The following KCNT2 variants were observed in gnomAD, a reference collection of about 807,000 sequenced individuals.
The protein encoded by KCNT2 is potassium channel subfamily T member 2.
A neutral mutation model predicts 153.8 loss-of-function variants in KCNT2; 67 were observed. The observed-to-expected ratio is 0.44, with a 90% CI of 0.36 to 0.53. KCNT2 has a LOEUF of 0.53. Ranked by LOEUF, KCNT2 falls within the 20% of genes least tolerant of loss-of-function variation. The probability of loss-of-function intolerance (pLI) is 0.00; values close to 1 mark genes in which losing one functional copy is unlikely to be tolerated. For synonymous variants in KCNT2, 500 were observed against 458.8 expected (o/e 1.09, Z -1.15); for missense variants, 975 against 1,354.8 (o/e 0.72, Z 4.40).
chr1:196,504,989 T>G (rs879512775), intron 1 of KCNT2, among the ~76,000 whole-genome samples: 11 of 152,208 alleles, frequency 7.2e-5, no homozygotes, highest in African/African-American at 2.7e-4. Context: ...TATTAGCCTT[T>G]TGTCAGATAA....
chr1:196,454,200 C>T (rs1397097682), intron 8 of KCNT2, among the ~76,000 whole-genome samples: 3 of 151,842 alleles, frequency 2.0e-5, no homozygotes, highest in Admixed American at 6.6e-5. Flanking sequence ...GTTGCAAATG[C>T]ATTAATTTTA....
chr1:196,347,155 A>G (rs1180078822), intron 14 of KCNT2, among the ~76,000 whole-genome samples: 2 of 152,046 alleles, frequency 1.3e-5, no homozygotes, highest in Non-Finnish European at 2.9e-5. Context: ...TTTTATTTCC[A>G]TTCTTGAGGC....
intron 13 of KCNT2, among the ~76,000 whole-genome samples, chr1:196,380,111 A>T (rs1341970078): frequency 6.6e-6 from 1 of 152,226 alleles, no homozygotes; most frequent in African/African-American, 2.4e-5. Flanking sequence ...TTCTGCAAGA[A>T]TGCTCATGTG....
chr1:196,547,261 T>G (rs1356948233), intron 1 of KCNT2, among the ~76,000 whole-genome samples: 3 of 152,028 alleles, frequency 2.0e-5, no homozygotes, highest in Non-Finnish European at 4.4e-5. Context: ...AGTGAGACAA[T>G]TATACCCCTA....
chr1:196,340,570 C>A lies in KCNT2; in HGVS notation c.1554G>T (p.Lys518Asn). The change falls in exon 16 of 28, where the codon AAG (lysine) becomes AAT (asparagine). Residue 518 changes from lysine (K) to asparagine (N), a missense_variant and splice_region_variant. Around this residue, in one of 6 missense-constraint regions of KCNT2, gnomAD observed 325 missense variants for 388.1 expected, o/e 0.84. Transcript: ENST00000294725. ...FTYASFHAHK[K>N]FGVCLIGVRR... is the part of the protein sequence containing the mutation. ...TAACACCAATCAAGCAGACGCCAAA[C>A]CTTAATTTAAAAAAAAAGAGAGTTT... The A allele has an allele frequency of 2.7e-6, 4 of 1,508,126 alleles. No homozygotes were observed. The highest frequency in any genetic ancestry group is 1.3e-5 in the South Asian group (1 of 75,302). 93.4% of individuals were successfully genotyped at this position (1,508,126 alleles called of 1,614,324 possible).
At chr1:196,274,253 T>C (rs1658347443) in intron 25 of KCNT2, among the ~76,000 whole-genome samples, 1 of 151,704 alleles carries the variant, frequency 6.6e-6, no homozygotes, top group African/African-American at 2.4e-5. Context: ...CAATAGTCTA[T>C]TCATTTTTGA....
chr1:196,258,089 CTG>C, intron 26 of KCNT2, 103 bp downstream of exon 26: 1 of 1,467,642 alleles, frequency 6.8e-7, no homozygotes, highest in Admixed American at 2.4e-5. Flanking sequence ...ACTAATTGAC[CTG>C]TGAAGCAAAA....
intron 12 of KCNT2, among the ~76,000 whole-genome samples, chr1:196,399,191 T>G (rs1310240372): frequency 6.6e-6 from 1 of 151,356 alleles, no homozygotes; most frequent in East Asian, 2.0e-4. Flanking sequence ...AAAAAAGTTT[T>G]TAAAAAGACA....
intron 1 of KCNT2, among the ~76,000 whole-genome samples, chr1:196,594,184 C>A (rs1663767968): frequency 6.6e-6 from 1 of 152,060 alleles, no homozygotes; most frequent in Non-Finnish European, 1.5e-5. Flanking sequence ...TTTCAGAATT[C>A]ACTTTAACAG....
intron 22 of KCNT2, among the ~76,000 whole-genome samples, chr1:196,290,995 T>C (rs1412378819): frequency 6.6e-6 from 1 of 152,178 alleles, no homozygotes. Flanking sequence ...TTCTAAGGTC[T>C]AGCTCCCAAA....
chr1:196,424,078 A>G (rs1307613776), intron 11 of KCNT2, among the ~76,000 whole-genome samples: 2 of 151,938 alleles, frequency 1.3e-5, no homozygotes, highest in Non-Finnish European at 2.9e-5. Context: ...TAGCTTTTAG[A>G]GTATGACCAG....
chr1:196,283,842 G>C (rs1282667008), intron 23 of KCNT2, among the ~76,000 whole-genome samples: 2 of 152,188 alleles, frequency 1.3e-5, no homozygotes, highest in Middle Eastern at 6.8e-3. Context: ...GGTAAGTGTT[G>C]TTAATATTTT....
At chr1:196,299,346 C>G (rs548568771) in intron 22 of KCNT2, among the ~76,000 whole-genome samples, 49 of 149,376 alleles carry the variant, frequency 3.3e-4, no homozygotes, top group African/African-American at 1.1e-3. Flanking sequence ...ATATCCAAGA[C>G]AAGGATAACG....
At chr1:196,604,762 A>G (rs1166438654) in intron 1 of KCNT2, among the ~76,000 whole-genome samples, 1 of 151,670 alleles carries the variant, frequency 6.6e-6, no homozygotes, top group East Asian at 1.9e-4. Flanking sequence ...GATGCATTAC[A>G]TAATATACAA....
At chr1:196,257,641 A>G in intron 26 of KCNT2, 4 of 955,690 alleles carry the variant, frequency 4.2e-6, no homozygotes, top group Non-Finnish European at 5.0e-6. Flanking sequence ...CTATATGGCA[A>G]TTATGGATCA....
At chr1:196,492,174 TA>T (rs1679906419) in intron 2 of KCNT2, 87 bp downstream of exon 2, 11 of 1,241,004 alleles carry the variant, frequency 8.9e-6, no homozygotes, top group Non-Finnish European at 1.2e-5. Context: ...TTCCTCTATC[TA>T]AAAAGTATTT....
intron 26 of KCNT2, among the ~76,000 whole-genome samples, chr1:196,250,307 A>T (rs1655845158): frequency 6.6e-6 from 1 of 152,190 alleles, no homozygotes; most frequent in South Asian, 2.1e-4. Context: ...AATGGAACAG[A>T]TTAGAGAACC....
intron 13 of KCNT2, among the ~76,000 whole-genome samples, chr1:196,385,772 A>AAAATGT (rs747480460): frequency 2.0e-5 from 3 of 148,452 alleles, no homozygotes; most frequent in Non-Finnish European, 4.5e-5. Context: ...GCATTAAAAA[A>AAAATGT]ATATATATAT....
intron 1 of KCNT2, among the ~76,000 whole-genome samples, chr1:196,605,506 T>C (rs912788154): frequency 6.6e-6 from 1 of 152,160 alleles, no homozygotes; most frequent in African/African-American, 2.4e-5. Context: ...TGGATGCACC[T>C]GAGGTTGGTG....
Sources: gnomAD v4.1 joint callset for allele counts (sites outside exome capture counted in the v4.1 genomes callset) on GRCh38, gnomAD v4.1.1 for gene constraint, gnomAD v4.1.1 regional missense constraint, MANE v1.5 for transcripts, NCBI Gene and HGNC (gene_info 2026-07-23, HGNC 2026-07-21) for gene names.